SLC35F4: variants seen among roughly 807,000 people sequenced by gnomAD.
The protein encoded by SLC35F4 is chromosome 14 open reading frame 36.
A neutral mutation model predicts 44.2 loss-of-function variants in SLC35F4; 24 were observed. The observed-to-expected ratio is 0.54, with a 90% CI of 0.39 to 0.76. The LOEUF is 0.76. Among genes scored for constraint, SLC35F4 ranks in the 30% least tolerant of loss-of-function variants. SLC35F4 has a pLI of 0.00. For missense variants in SLC35F4, 562 were observed against 586.1 expected (o/e 0.96, Z 0.42); for synonymous variants, 238 against 223.6 (o/e 1.06, Z -0.57).
chr14:57,697,176 A>G (rs1259970191), intron 1 of SLC35F4, among the ~76,000 whole-genome samples: 1 of 152,142 alleles, frequency 6.6e-6, no homozygotes, highest in East Asian at 1.9e-4. Context: ...TTTTATTTTC[A>G]TTCCATGCAA....
At chr14:57,795,780 C>T (rs28720762) in intron 1 of SLC35F4, among the ~76,000 whole-genome samples, 1,568 of 152,048 alleles carry the variant, frequency 0.01, 26 homozygotes, top group African/African-American at 0.03. Context: ...TAATAATAGA[C>T]ATCTTTCACT....
chr14:57,793,350 T>C (rs2077975269), intron 1 of SLC35F4, among the ~76,000 whole-genome samples: 1 of 151,834 alleles, frequency 6.6e-6, no homozygotes, highest in South Asian at 2.1e-4. Context: ...ACCCATCACC[T>C]GAATGTTGTA....
At chr14:57,780,016 A>G (rs1197119154) in intron 1 of SLC35F4, among the ~76,000 whole-genome samples, 2 of 152,282 alleles carry the variant, frequency 1.3e-5, no homozygotes, top group East Asian at 3.9e-4. Context: ...CCCCTTGAAA[A>G]CCAATATAAG....
chr14:57,776,912 C>T (rs545485417), intron 1 of SLC35F4, among the ~76,000 whole-genome samples: 19 of 152,034 alleles, frequency 1.2e-4, no homozygotes, highest in Non-Finnish European at 2.1e-4. Flanking sequence ...CCGAGGGTCT[C>T]GTAAGAGCTG....
chr14:57,903,668 G>A (rs2141046669), intron 1 of SLC35F4, among the ~76,000 whole-genome samples: 1 of 152,314 alleles, frequency 6.6e-6, no homozygotes, highest in South Asian at 2.1e-4. Context: ...TCTCATTTAA[G>A]TGTTAGTCCA....
At chr14:57,810,321 T>C (rs191432789) in intron 1 of SLC35F4, among the ~76,000 whole-genome samples, 42 of 152,366 alleles carry the variant, frequency 2.8e-4, no homozygotes, top group African/African-American at 9.4e-4. Context: ...AAAATTCTTA[T>C]TGGACAGGTA....
intron 1 of SLC35F4, among the ~76,000 whole-genome samples, chr14:57,961,314 AGAG>A (rs1253409049): frequency 6.6e-6 from 1 of 152,162 alleles, no homozygotes; most frequent in Non-Finnish European, 1.5e-5. Flanking sequence ...TGAGGATATC[AGAG>A]GAGGAAAGGG....
chr14:57,960,566 A>G (rs1890319341), intron 1 of SLC35F4, among the ~76,000 whole-genome samples: 1 of 152,246 alleles, frequency 6.6e-6, no homozygotes, highest in Non-Finnish European at 1.5e-5. Context: ...AGCAATGAAC[A>G]CAAACATAAT....
At chr14:57,781,554 A>G (rs1323840109) in intron 1 of SLC35F4, among the ~76,000 whole-genome samples, 1 of 152,168 alleles carries the variant, frequency 6.6e-6, no homozygotes, top group African/African-American at 2.4e-5. Context: ...CCAGCAACTC[A>G]TGACTGGGTT....
At chr14:57,918,331 C>A (rs1165650502) in intron 1 of SLC35F4, among the ~76,000 whole-genome samples, 2 of 152,290 alleles carry the variant, frequency 1.3e-5, no homozygotes, top group African/African-American at 4.8e-5. Flanking sequence ...AGTTTTCCTA[C>A]CCCAGTACTG....
intron 6 of SLC35F4, 81 bp from the exon 7 acceptor site, chr14:57,566,645 G>C: frequency 7.4e-7 from 1 of 1,359,984 alleles, no homozygotes; most frequent in Non-Finnish European, 1.0e-6. Flanking sequence ...ATGAATCAAT[G>C]TCTTTGCTAC....
At chr14:57,976,165 C>T (rs1468928179), downstream of SLC35F4, among the ~76,000 whole-genome samples, 2 of 152,184 alleles carry the variant, frequency 1.3e-5, no homozygotes, top group African/African-American at 2.4e-5. Context: ...AAGGAACCTA[C>T]AGCAACAACA....
At chr14:57,618,650 A>G (rs927556063) in intron 1 of SLC35F4, among the ~76,000 whole-genome samples, 4 of 152,232 alleles carry the variant, frequency 2.6e-5, no homozygotes, top group Admixed American at 1.3e-4. Context: ...GGAGTTTTTT[A>G]TTCATACCCC....
intron 1 of SLC35F4, among the ~76,000 whole-genome samples, chr14:57,769,059 C>T (rs972876390): frequency 6.6e-6 from 1 of 152,128 alleles, no homozygotes; most frequent in Non-Finnish European, 1.5e-5. Context: ...TAAGGAATTT[C>T]CAGAAAACAT....
chr14:57,653,587 C>A (rs1326532452), intron 1 of SLC35F4, among the ~76,000 whole-genome samples: 2 of 152,168 alleles, frequency 1.3e-5, no homozygotes, highest in African/African-American at 4.8e-5. Context: ...ATCACCACCA[C>A]AAATTTAGAT....
chr14:57,606,800 G>A (rs780484408), intron 1 of SLC35F4, among the ~76,000 whole-genome samples: 1 of 152,100 alleles, frequency 6.6e-6, no homozygotes, highest in Non-Finnish European at 1.5e-5. Context: ...TTCTTGATTG[G>A]TAGATTTGAC....
At chr14:57,806,059 C>A (rs543602421) in intron 1 of SLC35F4, among the ~76,000 whole-genome samples, 1 of 152,086 alleles carries the variant, frequency 6.6e-6, no homozygotes, top group South Asian at 2.1e-4. Context: ...AAATAAAATA[C>A]CACTGGAAAT....
intron 1 of SLC35F4, among the ~76,000 whole-genome samples, chr14:57,957,939 A>T (rs1199746467): frequency 6.6e-6 from 1 of 152,226 alleles, no homozygotes; most frequent in Non-Finnish European, 1.5e-5. Context: ...TTCATTATTC[A>T]CGAATTCAGT....
At chr14:57,687,526 T>G (rs545453468) in intron 1 of SLC35F4, among the ~76,000 whole-genome samples, 1 of 152,316 alleles carries the variant, frequency 6.6e-6, no homozygotes, top group Admixed American at 6.5e-5. Context: ...AATGAGCTCT[T>G]TTGAATTCCA....
Sources: gnomAD v4.1 joint callset for allele counts (sites outside exome capture counted in the v4.1 genomes callset) on GRCh38, gnomAD v4.1.1 for gene constraint, MANE v1.5 for transcripts, NCBI Gene and HGNC (gene_info 2026-07-23, HGNC 2026-07-21) for gene names.